Variants in GRM4 observed in about 807,000 individuals in gnomAD.
GRM4 encodes the protein metabotropic glutamate receptor 4.
In GRM4, 28 loss-of-function variants were observed where a neutral mutation model predicts 81.7. The ratio of observed to expected loss-of-function variants is 0.34; its 90% CI spans 0.25 to 0.47. The LOEUF (loss-of-function observed/expected upper bound fraction) is 0.47, where lower values mean the gene tolerates loss of function less well. Among genes scored for constraint, GRM4 ranks in the 20% least tolerant of loss-of-function variants. GRM4 has a pLI of 1.00. For synonymous variants in GRM4, 488 were observed against 528.8 expected (o/e 0.92, Z 1.06); for missense variants, 948 against 1,290.0 (o/e 0.73, Z 4.06).
intron 2 of GRM4, chr6:34,103,702 C>T (rs1368608731): frequency 2.6e-6 from 4 of 1,526,160 alleles, no homozygotes; most frequent in Admixed American, 4.1e-5. Context: ...CACAGCCATG[C>T]CCCCTTTTCC....
intron 9 of GRM4, among the ~76,000 whole-genome samples, chr6:34,028,897 G>A (rs923880403): frequency 6.6e-6 from 1 of 152,128 alleles, no homozygotes; most frequent in Non-Finnish European, 1.5e-5. Context: ...CCCCCGCAAC[G>A]GTCCCCCAGT....
intron 2 of GRM4, among the ~76,000 whole-genome samples, chr6:34,104,008 G>A (rs530682229): frequency 6.6e-6 from 1 of 152,308 alleles, no homozygotes; most frequent in African/African-American, 2.4e-5. Context: ...CCACGGCCCC[G>A]AGGTAGGAAG....
chr6:34,144,795 C>T (rs1770854932), intron 1 of GRM4, among the ~76,000 whole-genome samples: 1 of 152,214 alleles, frequency 6.6e-6, no homozygotes, highest in African/African-American at 2.4e-5. Flanking sequence ...GTGGAAGCCC[C>T]TGTATACAGA....
intron 2 of GRM4, among the ~76,000 whole-genome samples, chr6:34,095,025 G>GT (rs1768440254): frequency 6.6e-6 from 1 of 152,190 alleles, no homozygotes; most frequent in African/African-American, 2.4e-5. Context: ...CAAATCCAGA[G>GT]TGAGGCCCTG....
chr6:34,055,475 CT>C (rs1765823199), intron 6 of GRM4: 1 of 152,218 alleles, frequency 6.6e-6, no homozygotes, highest in Admixed American at 6.5e-5. Flanking sequence ...CACTTCTCCC[CT>C]GGCTCTGGAG....
rs1445376796 is a variant in GRM4, at chr6:34,069,552, C to A, written c.737-7524G>T. ...GCCTAGTTCCCGTCACCTGTCACCCCTGCCCCATCTGCTCCTGCGTGTGAC... is the reference window on the plus strand; with the variant it reads ...GCCTAGTTCCCGTCACCTGTCACCCATGCCCCATCTGCTCCTGCGTGTGAC... On this transcript the variant is annotated intron_variant, in intron 3 of 10. Coordinates refer to ENST00000538487, the MANE Select transcript of GRM4 (RefSeq NM_000841.4). This position sits in a 1 kb window ranked among gnomAD's most constrained non-coding sequence, Gnocchi z 6.4. Among the ~76,000 whole-genome samples the A allele has an allele frequency of 6.6e-6, 1 of 152,152 alleles. No homozygotes were observed. The highest frequency in any genetic ancestry group is 1.5e-5 in the Non-Finnish European group (1 of 68,020).
At chr6:34,023,701 G>A (rs748645576) in intron 10 of GRM4, among the ~76,000 whole-genome samples, 10 of 152,258 alleles carry the variant, frequency 6.6e-5, no homozygotes, top group Non-Finnish European at 8.8e-5. Context: ...GCTGAGTGAC[G>A]CCAGCAGCTC....
chr6:34,094,675 G>C (rs1768415079), intron 2 of GRM4, among the ~76,000 whole-genome samples: 1 of 152,146 alleles, frequency 6.6e-6, no homozygotes, highest in African/African-American at 2.4e-5. Flanking sequence ...TACCTCTCTT[G>C]CTGGCCTCTG....
intron 2 of GRM4, among the ~76,000 whole-genome samples, chr6:34,125,776 C>T (rs1471116391): frequency 6.6e-6 from 1 of 152,230 alleles, no homozygotes; most frequent in South Asian, 2.1e-4. Context: ...TCTGGAGGTT[C>T]CCCTTCCCAG....
rs911322073 is a variant in GRM4 at position 34,092,888 on chromosome 6, C to T, written c.520-789G>A. ...TCAGACCCCCTGCCTCCTGTAGATACACCCAACCATCCCCAGGACAGGGAA... is the reference window on the plus strand; with the variant it reads ...TCAGACCCCCTGCCTCCTGTAGATATACCCAACCATCCCCAGGACAGGGAA... On this transcript the variant is annotated intron_variant, in intron 2 of 10. Coordinates refer to ENST00000538487, the MANE Select transcript of GRM4 (RefSeq NM_000841.4). This position sits in a 1 kb window ranked among gnomAD's most constrained non-coding sequence, Gnocchi z 6.8. 7.2e-5 allele frequency among the ~76,000 whole-genome samples: 11 copies of T among 152,138 alleles called. No individual in the cohort carries two copies. The highest frequency in any genetic ancestry group is 2.2e-4 in the African/African-American group (9 of 41,432).
At chr6:34,026,349 G>A (rs1764132677) in intron 10 of GRM4, among the ~76,000 whole-genome samples, 2 of 152,116 alleles carry the variant, frequency 1.3e-5, no homozygotes, top group South Asian at 4.1e-4. Context: ...GACAGTGGGG[G>A]CACAGGGTGC....
chr6:34,109,240 A>G (rs1769264000), intron 2 of GRM4, among the ~76,000 whole-genome samples: 1 of 152,216 alleles, frequency 6.6e-6, no homozygotes, highest in Non-Finnish European at 1.5e-5. Flanking sequence ...CCCCCTGTCC[A>G]GGTTCGATGT....
intron 1 of GRM4, among the ~76,000 whole-genome samples, chr6:34,137,941 A>G (rs938993139): frequency 6.6e-6 from 1 of 151,916 alleles, no homozygotes; most frequent in Non-Finnish European, 1.5e-5. Flanking sequence ...GTGCTTTTCC[A>G]ACTTCAATCC....
chr6:34,083,614 G>T (rs909968356), intron 3 of GRM4, among the ~76,000 whole-genome samples: 2 of 152,184 alleles, frequency 1.3e-5, no homozygotes, highest in Non-Finnish European at 2.9e-5. Flanking sequence ...AGAATGGGAG[G>T]TTCTGGCTGC....
At chr6:34,144,155 G>T (rs1260509083) in intron 1 of GRM4, among the ~76,000 whole-genome samples, 1 of 152,202 alleles carries the variant, frequency 6.6e-6, no homozygotes, top group Non-Finnish European at 1.5e-5. Flanking sequence ...GGGGGCGCTC[G>T]TACGTTCGGG....
chr6:34,054,768 C>A lies in GRM4; in HGVS notation c.1168+1776G>T, dbSNP rs191036198. On this transcript the variant is annotated intron_variant, in intron 6 of 10. Coordinates refer to ENST00000538487, the MANE Select transcript of GRM4 (RefSeq NM_000841.4). ...CAGTCTTTCCACCCCATCCCCACCTCATCCATCCCCACCCTCACCCCTGAT... is the reference window on the plus strand; with the variant it reads ...CAGTCTTTCCACCCCATCCCCACCTAATCCATCCCCACCCTCACCCCTGAT... 1,030 of 152,370 alleles carry A rather than the reference C, an allele frequency of 6.8e-3. 3 individuals are homozygous for A. Among genetic ancestry groups the A allele is most frequent in the Non-Finnish European group, 0.011 (731 of 68,104 alleles). 9.4% of individuals were successfully genotyped at this position (152,370 alleles called of 1,614,324 possible).
intron 1 of GRM4, among the ~76,000 whole-genome samples, chr6:34,138,015 G>A (rs998161915): frequency 2.6e-5 from 4 of 152,116 alleles, no homozygotes; most frequent in Non-Finnish European, 5.9e-5. Flanking sequence ...AACCGGATCC[G>A]AAGAGAACTG....
chr6:34,044,289 TAG>T (rs1225281394), intron 6 of GRM4, among the ~76,000 whole-genome samples: 38 of 128,944 alleles, frequency 2.9e-4, no homozygotes, highest in South Asian at 5.0e-4. Flanking sequence ...CACACACACA[TAG>T]ACATACATAC....
intron 1 of GRM4, among the ~76,000 whole-genome samples, chr6:34,144,235 T>C (rs1770822360): frequency 6.6e-6 from 1 of 152,146 alleles, no homozygotes; most frequent in African/African-American, 2.4e-5. Context: ...ACCGCCCTGG[T>C]GCGGGGGCGC....
Sources: gnomAD v4.1 joint callset for allele counts (sites outside exome capture counted in the v4.1 genomes callset) on GRCh38, gnomAD v4.1.1 for gene constraint, Gnocchi (gnomAD v3.1) non-coding constraint, MANE v1.5 for transcripts, NCBI Gene and HGNC (gene_info 2026-07-23, HGNC 2026-07-21) for gene names.